FBXL7: variants seen among roughly 807,000 people sequenced by gnomAD.
FBXL7 encodes F-box and leucine rich repeat protein 7.
FBXL7 carries 12 observed loss-of-function variants against 38.3 expected under a neutral mutation model. The observed-to-expected ratio is 0.31, with a 90% CI of 0.20 to 0.51. The LOEUF is 0.51. Ranked by LOEUF, FBXL7 falls within the 20% of genes least tolerant of loss-of-function variation. FBXL7 has a pLI of 0.98. For missense variants in FBXL7, 567 were observed against 676.4 expected, an observed-to-expected ratio of 0.84 and a Z score of 1.79; for synonymous variants, 297 against 300.9, an observed-to-expected ratio of 0.99 and a Z score of 0.13.
At chr5:15,906,347 AATT>A (rs1268509809) in intron 2 of FBXL7, among the ~76,000 whole-genome samples, 1 of 152,028 alleles carries the variant, frequency 6.6e-6, no homozygotes, top group Non-Finnish European at 1.5e-5. Context: ...ATGACTCAGA[AATT>A]ATAGGCTGTT....
chr5:15,580,869 G>A (rs759830624), intron 1 of FBXL7: 1 of 955,150 alleles, frequency 1.0e-6, no homozygotes, highest in Non-Finnish European at 1.2e-6. Flanking sequence ...ATGCATGGCT[G>A]GAAGGGGCAT....
At chr5:15,797,215 A>G (rs1737438283) in intron 2 of FBXL7, among the ~76,000 whole-genome samples, 1 of 152,170 alleles carries the variant, frequency 6.6e-6, no homozygotes, top group South Asian at 2.1e-4. Flanking sequence ...AGCATACAAG[A>G]CTAGGGTGAC....
intron 2 of FBXL7, among the ~76,000 whole-genome samples, chr5:15,839,147 T>A (rs538588472): frequency 1.3e-5 from 2 of 152,100 alleles, no homozygotes; most frequent in African/African-American, 4.8e-5. Flanking sequence ...TTCTGAGTAC[T>A]AATTTTTTGA....
chr5:15,718,684 G>T (rs116418778), intron 2 of FBXL7, among the ~76,000 whole-genome samples: 2 of 152,140 alleles, frequency 1.3e-5, no homozygotes, highest in African/African-American at 4.8e-5. Context: ...AAAAATACGT[G>T]GTGTTTAAAA....
chr5:15,912,652 C>G (rs913170730), intron 2 of FBXL7, among the ~76,000 whole-genome samples: 2 of 151,932 alleles, frequency 1.3e-5, no homozygotes, highest in African/African-American at 4.8e-5. Flanking sequence ...TAAAATGGAG[C>G]TTTCTATTAA....
rs186309051 is a variant in FBXL7 at position 15,725,047 on chromosome 5, T to G, written c.127+108975T>G. Among the ~76,000 whole-genome samples, 24 of 152,336 alleles carry G rather than the reference T, an allele frequency of 1.6e-4. 1 individual carries two copies. In the East Asian group the frequency reaches 4.6e-3, roughly 29 times the overall value. ...ATCCCTGTCAGTAAAACCATTCATA[T>G]ACTTGTGACATTAGGACTATTTACA... On this transcript the variant is annotated intron_variant, in intron 2 of 3. Coordinates refer to ENST00000504595, the MANE Select transcript of FBXL7 (RefSeq NM_012304.5).
At chr5:15,681,757 T>G (rs936079304) in intron 2 of FBXL7, among the ~76,000 whole-genome samples, 3 of 152,222 alleles carry the variant, frequency 2.0e-5, no homozygotes, top group Admixed American at 2.0e-4. Context: ...AAAGGTGGGT[T>G]AATGCTGGTT....
chr5:15,813,205 G>A (rs1361816887), intron 2 of FBXL7, among the ~76,000 whole-genome samples: 11 of 151,964 alleles, frequency 7.2e-5, no homozygotes, highest in South Asian at 4.2e-4. Context: ...CTTGTCTTGC[G>A]TTGTACTGGT....
At chr5:15,565,950 A>G (rs1738560295) in intron 1 of FBXL7, among the ~76,000 whole-genome samples, 1 of 152,188 alleles carries the variant, frequency 6.6e-6, no homozygotes, top group African/African-American at 2.4e-5. Flanking sequence ...AGGAACATCC[A>G]TATAATGTCT....
chr5:15,653,620 T>C (rs547971955), intron 2 of FBXL7, among the ~76,000 whole-genome samples: 1 of 152,192 alleles, frequency 6.6e-6, no homozygotes, highest in Admixed American at 6.5e-5. Flanking sequence ...TCTGCTGCAA[T>C]GTGCTCCAAA....
intron 1 of FBXL7, among the ~76,000 whole-genome samples, chr5:15,520,108 G>T (rs1469445884): frequency 6.6e-6 from 1 of 152,188 alleles, no homozygotes; most frequent in Non-Finnish European, 1.5e-5. Context: ...AACTGTCCTG[G>T]TTGGGGGAGT....
intron 1 of FBXL7, chr5:15,501,839 T>C (rs1188662391): frequency 2.8e-6 from 2 of 702,946 alleles, no homozygotes; most frequent in East Asian, 1.3e-4. Context: ...CAGATCATCA[T>C]GTTTTGACTT....
chr5:15,719,726 T>C (rs1008974699), intron 2 of FBXL7, among the ~76,000 whole-genome samples: 1 of 148,926 alleles, frequency 6.7e-6, no homozygotes, highest in Non-Finnish European at 1.5e-5. Context: ...ACGGCACTTA[T>C]TTGTCAATTA....
intron 2 of FBXL7, among the ~76,000 whole-genome samples, chr5:15,725,916 T>C (rs1744336273): frequency 6.6e-6 from 1 of 152,208 alleles, no homozygotes; most frequent in African/African-American, 2.4e-5. Context: ...GTTCTCTATT[T>C]ACTGACTTAT....
At chr5:15,621,805 T>G (rs1232518936) in intron 2 of FBXL7, among the ~76,000 whole-genome samples, 1 of 152,194 alleles carries the variant, frequency 6.6e-6, no homozygotes, top group African/African-American at 2.4e-5. Context: ...TAATATGATA[T>G]CTTGGTTCTA....
At chr5:15,836,696 G>A (rs530108922) in intron 2 of FBXL7, among the ~76,000 whole-genome samples, 1 of 152,278 alleles carries the variant, frequency 6.6e-6, no homozygotes, top group South Asian at 2.1e-4. Context: ...GCAATAGGAG[G>A]CCAGAATGTG....
intron 2 of FBXL7, among the ~76,000 whole-genome samples, chr5:15,867,012 A>G (rs1316761204): frequency 6.6e-6 from 1 of 152,172 alleles, no homozygotes; most frequent in Non-Finnish European, 1.5e-5. Flanking sequence ...TTATGGTAGG[A>G]AATAAATTTG....
chr5:15,508,845 TC>T (rs574096106), intron 1 of FBXL7, among the ~76,000 whole-genome samples: 3 of 152,266 alleles, frequency 2.0e-5, no homozygotes, highest in Admixed American at 6.5e-5. Flanking sequence ...ATTTTGAAAA[TC>T]TACCAATTTT....
At chr5:15,716,302 G>T (rs564072204) in intron 2 of FBXL7, among the ~76,000 whole-genome samples, 1 of 152,112 alleles carries the variant, frequency 6.6e-6, no homozygotes, top group African/African-American at 2.4e-5. Flanking sequence ...ATTCTTCCTC[G>T]GGTCTCTATC....
Sources: allele counts gnomAD v4.1 joint callset (sites outside exome capture counted in the v4.1 genomes callset), GRCh38; gene constraint gnomAD v4.1.1; transcripts MANE v1.5; gene names NCBI Gene and HGNC (gene_info 2026-07-23, HGNC 2026-07-21).